The following KALRN variants were observed in gnomAD, a reference collection of about 807,000 sequenced individuals.
KALRN encodes kalirin.
KALRN carries 70 observed loss-of-function variants against 353.7 expected under a neutral mutation model. The observed-to-expected ratio is 0.20, with a 90% CI of 0.16 to 0.24. The LOEUF (loss-of-function observed/expected upper bound fraction) is 0.24. KALRN is among the 10% of genes least tolerant of loss of function. The pLI is 1.00. For missense variants in KALRN, 2,791 were observed against 3,756.7 expected, an observed-to-expected ratio of 0.74 and a Z score of 6.72; for synonymous variants, 1,391 against 1,434.8, an observed-to-expected ratio of 0.97 and a Z score of 0.69.
rs1182368749 is a variant in KALRN at position 124,661,937 on chromosome 3, T to C, written c.6345+9T>C. ...GTCTGCAGGGCTTTGAGGTGAGTCT[T>C]TAAGAATGCGTCTAAGCCCACTCTC... On this transcript the variant is annotated intron_variant, in intron 45 of 59. Coordinates refer to ENST00000682506, the MANE Select transcript of KALRN (RefSeq NM_001388419.1). The C allele has an allele frequency of 1.9e-6, 3 of 1,610,134 alleles. No homozygotes were observed. In the African/African-American group the frequency reaches 4.0e-5, roughly 22 times the overall value.
intron 48 of KALRN, among the ~76,000 whole-genome samples, chr3:124,673,857 A>G (rs1261090756): frequency 2.0e-5 from 3 of 152,186 alleles, no homozygotes; most frequent in African/African-American, 7.2e-5. Context: ...TTGGGCAGAG[A>G]TATCATTCTT....
intron 2 of KALRN, among the ~76,000 whole-genome samples, chr3:124,228,699 C>G (rs6438836): frequency 0.099 from 15,091 of 152,014 alleles, 1,142 homozygotes; most frequent in African/African-American, 0.2. Flanking sequence ...TATTAGTTTC[C>G]CATTGATGGT....
At chr3:124,365,110 A>G (rs6438842) in intron 10 of KALRN, among the ~76,000 whole-genome samples, 90,939 of 151,982 alleles carry the variant, frequency 0.6, 27,518 homozygotes, top group East Asian at 0.89. Flanking sequence ...CTTGGGGTCT[A>G]TATAACTTAA....
chr3:124,227,663 GTTTT>G (rs747087120), intron 1 of KALRN, among the ~76,000 whole-genome samples: 42 of 69,254 alleles, frequency 6.1e-4, no homozygotes, highest in Middle Eastern at 0.018. Context: ...CAACAGGGCT[GTTTT>G]TTTTTTTTTT....
At chr3:124,677,512 T>C (rs2087319481) in intron 49 of KALRN, 2 of 450,574 alleles carry the variant, frequency 4.4e-6, no homozygotes, top group South Asian at 1.6e-5. Context: ...ATAGGGAAGC[T>C]CTAGGACCTC....
intron 4 of KALRN, among the ~76,000 whole-genome samples, chr3:124,268,195 G>A (rs540310336): frequency 3.3e-5 from 5 of 152,102 alleles, no homozygotes; most frequent in African/African-American, 9.7e-5. Context: ...AACCAAGGGC[G>A]CAGACTCCCC....
chr3:124,548,445 A>G (rs1036314729), intron 33 of KALRN, among the ~76,000 whole-genome samples: 25 of 152,168 alleles, frequency 1.6e-4, no homozygotes, highest in Non-Finnish European at 1.2e-4. Context: ...CATACTATCT[A>G]GCCCCCATCT....
chr3:124,537,587 G>A (rs2068639143), intron 33 of KALRN, among the ~76,000 whole-genome samples: 1 of 152,182 alleles, frequency 6.6e-6, no homozygotes, highest in Non-Finnish European at 1.5e-5. Context: ...AGGATTTCCA[G>A]AAGATGACAG....
At chr3:124,050,198 A>G (rs1324072674) in intron 1 of KALRN, among the ~76,000 whole-genome samples, 3 of 152,178 alleles carry the variant, frequency 2.0e-5, no homozygotes, top group Non-Finnish European at 2.9e-5. Context: ...ATATTGTGCT[A>G]ATACCCAGGA....
chr3:124,609,857 T>A (rs1212711044), intron 34 of KALRN, among the ~76,000 whole-genome samples: 1 of 152,208 alleles, frequency 6.6e-6, no homozygotes, highest in Non-Finnish European at 1.5e-5. Context: ...ATTTTATAGA[T>A]GAGTAAACTG....
intron 37 of KALRN, among the ~76,000 whole-genome samples, chr3:124,640,138 G>T (rs1464165844): frequency 6.6e-6 from 1 of 152,200 alleles, no homozygotes; most frequent in African/African-American, 2.4e-5. Context: ...AAGTACAACT[G>T]TGTGATAGCT....
chr3:124,570,789 A>C (rs2073430763), intron 34 of KALRN, among the ~76,000 whole-genome samples: 1 of 152,154 alleles, frequency 6.6e-6, no homozygotes, highest in African/African-American at 2.4e-5. Context: ...TCTTGAATAG[A>C]TTTAATTTGA....
chr3:124,280,530 A>C (rs1411529617), intron 5 of KALRN, among the ~76,000 whole-genome samples: 2 of 152,156 alleles, frequency 1.3e-5, no homozygotes, highest in Admixed American at 6.5e-5. Context: ...TCTTTAATGC[A>C]GCTTTCCTGG....
intron 1 of KALRN, among the ~76,000 whole-genome samples, chr3:124,216,759 T>A (rs2077375245): frequency 6.6e-6 from 1 of 152,246 alleles, no homozygotes; most frequent in African/African-American, 2.4e-5. Flanking sequence ...GAGTCAAATG[T>A]TTTCCCAATC....
intron 3 of KALRN, among the ~76,000 whole-genome samples, chr3:124,238,101 C>T (rs1387269255): frequency 6.6e-6 from 1 of 152,182 alleles, no homozygotes; most frequent in Non-Finnish European, 1.5e-5. Context: ...TAACATTCAT[C>T]TGGCCAGCTT....
chr3:124,083,979 G>A (rs1413412285), intron 1 of KALRN, among the ~76,000 whole-genome samples: 2 of 152,206 alleles, frequency 1.3e-5, no homozygotes, highest in Admixed American at 6.5e-5. Context: ...ACCTCCTAGC[G>A]AGAAGGGACT....
chr3:124,484,776 C>T (rs1419766388), intron 28 of KALRN, among the ~76,000 whole-genome samples: 1 of 152,208 alleles, frequency 6.6e-6, no homozygotes, highest in Non-Finnish European at 1.5e-5. Context: ...TTATCTTCTT[C>T]TTTCCTATCC....
intron 34 of KALRN, among the ~76,000 whole-genome samples, chr3:124,564,806 C>G (rs1453038327): frequency 2.6e-5 from 4 of 152,196 alleles, no homozygotes; most frequent in Non-Finnish European, 2.9e-5. Flanking sequence ...CTCTGATGCA[C>G]ATTTGAGTTT....
chr3:124,437,346 A>G (rs2093506032), intron 17 of KALRN, among the ~76,000 whole-genome samples: 1 of 152,250 alleles, frequency 6.6e-6, no homozygotes, highest in Non-Finnish European at 1.5e-5. Context: ...GACAGCTTTC[A>G]GCACATCTTT....
Sources: gnomAD v4.1 joint callset for allele counts (sites outside exome capture counted in the v4.1 genomes callset) on GRCh38, gnomAD v4.1.1 for gene constraint, MANE v1.5 for transcripts, NCBI Gene and HGNC (gene_info 2026-07-23, HGNC 2026-07-21) for gene names.